Variants in ZBED3 observed in about 807,000 individuals in gnomAD.
The protein encoded by ZBED3 is zinc finger BED-type containing 3.
For synonymous variants in ZBED3, 175 were observed against 180.0 expected (o/e 0.97, Z 0.22); for missense variants, 388 against 362.9 (o/e 1.07, Z -0.56).
rs546975061 is a variant in ZBED3, at chr5:77,077,644, C to T, written c.235G>A (p.Gly79Ser). ...GAGGTCCCCGCGTGGAAGCCCGGGC[C>T]GCGGCCCACCTGCTCCCCGCACAGA... ...CRLCGEQVGRGPGFHAGTSAL... is the reference protein window; with the variant it reads ...CRLCGEQVGRSPGFHAGTSAL... The change falls in exon 3 of 3, where the codon GGC becomes AGC. Residue 79 changes from glycine (G) to serine (S), a missense_variant. Physicochemically the swap from Gly to Ser is moderately conservative, Grantham distance 56 (BLOSUM62 0). Transcript: ENST00000255198. 53 of 1,410,524 alleles carry T rather than the reference C, an allele frequency of 3.8e-5. No individual in the cohort carries two copies. In the East Asian group the frequency reaches 1.6e-3, roughly 41 times the overall value. 87.4% of individuals were successfully genotyped at this position (1,410,524 alleles called of 1,614,324 possible).
chr5:77,076,690 C>CTT lies in ZBED3; in HGVS notation c.*482_*483dup, dbSNP rs35247540. ...TTGGGCAGATTATGCATTAGGAACT[C>CTT]TTTTTTTTTTTTTTTTGGGTAAAAA... On this transcript the variant is annotated 3_prime_UTR_variant, in exon 3 of 3. Transcript: ENST00000255198. 0.12 allele frequency: 17,729 copies of CTT among 143,516 alleles called. 1,216 individuals carry two copies. Among genetic ancestry groups the CTT allele is most frequent in the Non-Finnish European group, 0.16 (10,526 of 65,874 alleles). 8.9% of individuals were successfully genotyped at this position (143,516 alleles called of 1,614,324 possible).
At chr5:77,078,031 G>T in intron 2 of ZBED3, 136 bp from the exon 3 acceptor site, 3 of 597,714 alleles carry the variant, frequency 5.0e-6, no homozygotes, top group Non-Finnish European at 7.3e-6. Flanking sequence ...GATAGTCTAA[G>T]TTTCTTTCTA....
chr5:77,081,826 A>G (rs1313066656), intron 1 of ZBED3, among the ~76,000 whole-genome samples: 2 of 152,140 alleles, frequency 1.3e-5, no homozygotes, highest in East Asian at 3.9e-4. Flanking sequence ...TGCACCTGCT[A>G]AGGTCAGGTG....
In ZBED3 at chr5:77,077,381, C is replaced by T. The variant is rs1456187424; in HGVS notation, c.498G>A (p.Arg166=). ...AVEQGERALE[R]RRRALQEEER... is the part of the protein sequence containing the mutation. ...CTTCCTCCTGCAGCGCCCTCCGCCT[C>T]CGCTCCAGGGCGCGCTCGCCCTGCT... The change falls in exon 3 of 3, where the codon CGG becomes CGA. Residue 166 remains arginine (R), a synonymous_variant. Coordinates refer to ENST00000255198, the MANE Select transcript of ZBED3 (RefSeq NM_032367.4). 6.4e-6 allele frequency: 8 copies of T among 1,253,956 alleles called. No homozygotes were observed. Among genetic ancestry groups the T allele is most frequent in the Non-Finnish European group, 8.0e-6 (8 of 1,000,426 alleles). The allele number at this position is 1,253,956 out of a possible 1,614,324, so 77.7% of individuals were successfully genotyped here.
chr5:77,078,663 C>T lies in ZBED3; in HGVS notation c.-87G>A, dbSNP rs1364392166. 3.9e-5 allele frequency: 6 copies of T among 152,144 alleles called. No individual in the cohort carries two copies. Among genetic ancestry groups the T allele is most frequent in the Non-Finnish European group, 8.8e-5 (6 of 68,036 alleles). 9.4% of individuals were successfully genotyped at this position (152,144 alleles called of 1,614,324 possible). A position where few individuals can be genotyped will look rare whatever the true frequency, so the allele number is the denominator to read the frequency against. On this transcript the variant is annotated 5_prime_UTR_variant, in exon 2 of 3. An upstream start codon of the reference 5' UTR is lost. Coordinates refer to ENST00000255198, the MANE Select transcript of ZBED3 (RefSeq NM_032367.4). ...CTGTCATTGCCTCAGGGTTTCCAAC[C>T]ATCTCAGGTGGGTAGAAACAATGCA...
intron 1 of ZBED3, among the ~76,000 whole-genome samples, chr5:77,085,491 T>C (rs775963347): frequency 2.6e-5 from 4 of 152,246 alleles, no homozygotes; most frequent in Non-Finnish European, 5.9e-5. Context: ...TGTAGTTGGG[T>C]TGACCAGGCA....
Position 77,077,413 on chromosome 5 carries a change from C to G in ZBED3, c.466G>C (p.Ala156Pro). 1 of 1,239,224 alleles carries G rather than the reference C, an allele frequency of 8.1e-7. No individual in the cohort carries two copies. The highest frequency in any genetic ancestry group is 1.0e-6 in the Non-Finnish European group (1 of 989,528). 76.8% of individuals were successfully genotyped at this position (1,239,224 alleles called of 1,614,324 possible). ...RERELERREL[A>P]VEQGERALER... Reference sequence around the variant, plus strand: ...AGGGCGCGCTCGCCCTGCTCCACGGCCAGCTCGCGCCGCTCCAGCTCCCGC... The same window carrying G: ...AGGGCGCGCTCGCCCTGCTCCACGGGCAGCTCGCGCCGCTCCAGCTCCCGC... The change falls in exon 3 of 3, where the codon GCC becomes CCC. Residue 156 changes from alanine to proline, a missense_variant. Coordinates refer to ENST00000255198, the MANE Select transcript of ZBED3 (RefSeq NM_032367.4).
In ZBED3 at chr5:77,077,123, T is replaced by C. The variant is rs761277395; in HGVS notation, c.*51A>G. 13 of 1,289,572 alleles carry C rather than the reference T, an allele frequency of 1.0e-5. No individual in the cohort carries two copies. The highest frequency in any genetic ancestry group is 4.1e-5 in the South Asian group (2 of 48,212). The allele number at this position is 1,289,572 out of a possible 1,614,324, so 79.9% of individuals were successfully genotyped here. A position where few individuals can be genotyped will look rare whatever the true frequency, so the allele number is the denominator to read the frequency against. On this transcript the variant is annotated 3_prime_UTR_variant, in exon 3 of 3. Coordinates refer to ENST00000255198, the MANE Select transcript of ZBED3 (RefSeq NM_032367.4). Reference sequence around the variant, plus strand: ...TCGGTCCCAGCGGGGTCTGAAGGCATTGGCATTGGACGGAGAAGCGCTGTC... The same window carrying C: ...TCGGTCCCAGCGGGGTCTGAAGGCACTGGCATTGGACGGAGAAGCGCTGTC...
intron 1 of ZBED3, among the ~76,000 whole-genome samples, chr5:77,082,249 A>G (rs1743141907): frequency 6.6e-6 from 1 of 151,342 alleles, no homozygotes; most frequent in Non-Finnish European, 1.5e-5. Flanking sequence ...CCTGGGTGAC[A>G]ACAGCGAAAT....
At position 77,077,137 on chromosome 5, in the gene ZBED3, A is replaced by C. The variant is rs771151152; in HGVS notation, c.*37T>G. The C allele has an allele frequency of 7.4e-7, 1 of 1,350,172 alleles. No homozygotes were observed. Among genetic ancestry groups the C allele is most frequent in the African/African-American group, 1.5e-5 (1 of 65,900 alleles). 83.6% of individuals were successfully genotyped at this position (1,350,172 alleles called of 1,614,324 possible). ...GTCTGAAGGCATTGGCATTGGACGG[A>C]GAAGCGCTGTCCTGGGGTGGGGAAG... On this transcript the variant is annotated 3_prime_UTR_variant, in exon 3 of 3. Transcript: ENST00000255198.
At chr5:77,086,038 C>A (rs1181523073) in intron 1 of ZBED3, among the ~76,000 whole-genome samples, 1 of 152,056 alleles carries the variant, frequency 6.6e-6, no homozygotes, top group Non-Finnish European at 1.5e-5. Flanking sequence ...GAGAAGCACT[C>A]TCTCTCTCTA....
At chr5:77,086,705 G>C (rs1743248961) in intron 1 of ZBED3, 1 of 152,124 alleles carries the variant, frequency 6.6e-6, no homozygotes, top group African/African-American at 2.4e-5. Context: ...TTCTCCCTCC[G>C]AAAGTGGGCG....
chr5:77,075,458 T>G lies in ZBED3; in HGVS notation c.*1716A>C, dbSNP rs1184645843. 1 of 152,170 alleles carries G rather than the reference T, an allele frequency of 6.6e-6. No homozygotes were observed. The highest frequency in any genetic ancestry group is 1.5e-5 in the Non-Finnish European group (1 of 68,034). The allele number at this position is 152,170 out of a possible 1,614,324, so 9.4% of individuals were successfully genotyped here. Reference sequence around the variant, plus strand: ...TAGAGGCTATAAAGAAGTTACTGTTTATATTTTTAGGCATGATCATCTTAA... The same window carrying G: ...TAGAGGCTATAAAGAAGTTACTGTTGATATTTTTAGGCATGATCATCTTAA... On this transcript the variant is annotated 3_prime_UTR_variant, in exon 3 of 3. Coordinates refer to ENST00000255198, the MANE Select transcript of ZBED3 (RefSeq NM_032367.4).
chr5:77,073,784 A>T lies in ZBED3; in HGVS notation c.*3390T>A, dbSNP rs1307192842. 1 of 152,246 alleles carries T rather than the reference A, an allele frequency of 6.6e-6. No individual in the cohort carries two copies. Among genetic ancestry groups the T allele is most frequent in the Non-Finnish European group, 1.5e-5 (1 of 68,040 alleles). The allele number at this position is 152,246 out of a possible 1,614,324, so 9.4% of individuals were successfully genotyped here. On this transcript the variant is annotated 3_prime_UTR_variant, in exon 3 of 3. Transcript: ENST00000255198. The stretch of plus-strand genomic sequence containing the variant: ...CTTGTAAAAATCTTAAAGACATTGA[A>T]TGGGTTAATGTACTGAGCAGCTACG...
Position 77,077,070 on chromosome 5 carries a change from G to A in ZBED3, c.*104C>T, listed in dbSNP as rs189438578. On this transcript the variant is annotated 3_prime_UTR_variant, in exon 3 of 3. Transcript: ENST00000255198. ...TAGCTGGAGCTTCCGAGTGAGTAGC[G>A]GCTGCGGGCCTGGCTTCGGTTACGG... 3.5e-6 allele frequency: 3 copies of A among 845,738 alleles called. No individual in the cohort carries two copies. Among genetic ancestry groups the A allele is most frequent in the Admixed American group, 4.3e-5 (1 of 23,094 alleles). The allele number at this position is 845,738 out of a possible 1,614,324, so 52.4% of individuals were successfully genotyped here. A position where few individuals can be genotyped will look rare whatever the true frequency, so the allele number is the denominator to read the frequency against.
At chr5:77,077,962 G>T in intron 2 of ZBED3, 67 bp from the exon 3 acceptor site, 2 of 1,135,892 alleles carry the variant, frequency 1.8e-6, no homozygotes, top group African/African-American at 1.6e-5. Flanking sequence ...ACTACAGTTA[G>T]CCTAAGAAAC....
In ZBED3 at chr5:77,073,391, A is replaced by G. The variant is rs931484427; in HGVS notation, c.*3783T>C. 1 of 152,204 alleles carries G rather than the reference A, an allele frequency of 6.6e-6. No individual in the cohort carries two copies. The highest frequency in any genetic ancestry group is 6.5e-5 in the Admixed American group (1 of 15,286). The allele number at this position is 152,204 out of a possible 1,614,324, so 9.4% of individuals were successfully genotyped here. A position where few individuals can be genotyped will look rare whatever the true frequency, so the allele number is the denominator to read the frequency against. On this transcript the variant is annotated 3_prime_UTR_variant, in exon 3 of 3. Coordinates refer to ENST00000255198, the MANE Select transcript of ZBED3 (RefSeq NM_032367.4). The stretch of plus-strand genomic sequence containing the variant: ...ATCATCTAGCCCAATTTATAAATCC[A>G]TATGAAGAAGTTAAGTTCCAATACT...
chr5:77,084,199 G>C (rs1459167354), intron 1 of ZBED3, among the ~76,000 whole-genome samples: 1 of 152,174 alleles, frequency 6.6e-6, no homozygotes, highest in African/African-American at 2.4e-5. Flanking sequence ...GGAAAGAGAT[G>C]CTTCCAACAA....
rs1030191946 is a variant in ZBED3, at chr5:77,076,313, G to A, written c.*861C>T. ...AGAGGAATGGGATGGAAAATGACAGGTAGATGTGGCCTTAAGCGGAGGGAT... is the reference window on the plus strand; with the variant it reads ...AGAGGAATGGGATGGAAAATGACAGATAGATGTGGCCTTAAGCGGAGGGAT... On this transcript the variant is annotated 3_prime_UTR_variant, in exon 3 of 3. Transcript: ENST00000255198. The A allele has an allele frequency of 6.6e-6, 1 of 152,086 alleles. No individual in the cohort carries two copies. Among genetic ancestry groups the A allele is most frequent in the African/African-American group, 2.4e-5 (1 of 41,358 alleles). The allele number at this position is 152,086 out of a possible 1,614,324, so 9.4% of individuals were successfully genotyped here.
Sources: gnomAD v4.1 joint callset for allele counts (sites outside exome capture counted in the v4.1 genomes callset) on GRCh38, gnomAD v4.1.1 for gene constraint, MANE v1.5 for transcripts, NCBI Gene and HGNC (gene_info 2026-07-23, HGNC 2026-07-21) for gene names.